SUMF1: variants seen among roughly 807,000 people sequenced by gnomAD.
SUMF1 encodes formylglycine-generating enzyme.
Under a neutral mutation model 47.6 loss-of-function variants are expected in SUMF1, and 48 were observed. The observed-to-expected ratio is 1.01, with a 90% confidence interval of 0.80 to 1.28. The LOEUF is 1.28. SUMF1 is among the 50% of genes most tolerant of loss of function. The probability of loss-of-function intolerance (pLI) is 0.00; values close to 1 mark genes in which losing one functional copy is unlikely to be tolerated. For synonymous variants in SUMF1, 230 were observed against 192.1 expected (o/e 1.20, Z -1.63); for missense variants, 571 against 485.4 (o/e 1.18, Z -1.66).
At chr3:4,411,085 GGTTTT>G in intron 6 of SUMF1, 107 bp from the exon 7 acceptor site, 2 of 950,294 alleles carry the variant, frequency 2.1e-6, no homozygotes, top group Non-Finnish European at 3.4e-6. Context: ...ATGAATGTTG[GGTTTT>G]ATTCCAACAG....
chr3:4,135,787 C>T (rs1693911653), intron 8 of SUMF1, among the ~76,000 whole-genome samples: 1 of 152,158 alleles, frequency 6.6e-6, no homozygotes, highest in Non-Finnish European at 1.5e-5. Flanking sequence ...TCTCAGGATA[C>T]AAAATCAATG....
Position 4,049,907 on chromosome 3 carries a change from G to C in SUMF1, c.1191+18662C>G, listed in dbSNP as rs556743959. Among the ~76,000 whole-genome samples the C allele has an allele frequency of 5.3e-5, 8 of 152,196 alleles. No homozygotes were observed. In the South Asian group the frequency reaches 6.2e-4, roughly 12 times the overall value. On this transcript the variant is annotated intron_variant and NMD_transcript_variant, in intron 9 of 12. Transcript: ENST00000448413. ...TCTCAATGAGACGAATGGGGAGCTGGAAGGGGGATGGAGTGGGAAGATGTT... is the reference window on the plus strand; with the variant it reads ...TCTCAATGAGACGAATGGGGAGCTGCAAGGGGGATGGAGTGGGAAGATGTT...
intron 8 of SUMF1, among the ~76,000 whole-genome samples, chr3:4,203,522 T>C (rs965690411): frequency 1.2e-4 from 18 of 152,154 alleles, no homozygotes; most frequent in Non-Finnish European, 2.4e-4. Context: ...TTATTGGTCC[T>C]GTTTTTTACA....
chr3:4,065,827 A>G (rs1307593230), intron 9 of SUMF1, among the ~76,000 whole-genome samples: 1 of 152,168 alleles, frequency 6.6e-6, no homozygotes, highest in Non-Finnish European at 1.5e-5. Context: ...TGAGGCTAGC[A>G]ACAGCTCTGA....
At chr3:4,187,224 G>C (rs1695218274) in intron 8 of SUMF1, among the ~76,000 whole-genome samples, 2 of 151,964 alleles carry the variant, frequency 1.3e-5, no homozygotes, top group African/African-American at 2.4e-5. Context: ...AAAAACATTA[G>C]CCAGCGCAAT....
chr3:4,254,032 A>G (rs1206210089), intron 8 of SUMF1, among the ~76,000 whole-genome samples: 4 of 151,148 alleles, frequency 2.6e-5, no homozygotes, highest in Non-Finnish European at 5.9e-5. Flanking sequence ...GGGTATTCCA[A>G]CAGACCTGCA....
chr3:4,184,061 G>T (rs1574959617), intron 8 of SUMF1, among the ~76,000 whole-genome samples: 1 of 151,940 alleles, frequency 6.6e-6, no homozygotes, highest in South Asian at 2.1e-4. Context: ...CTTGAACCTG[G>T]GAAGAGGAGG....
intron 9 of SUMF1, among the ~76,000 whole-genome samples, chr3:4,050,257 C>G (rs938380139): frequency 3.3e-5 from 5 of 151,584 alleles, no homozygotes; most frequent in African/African-American, 7.3e-5. Context: ...ATCTCCTGTC[C>G]GTTCTAAATG....
intron 8 of SUMF1, among the ~76,000 whole-genome samples, chr3:4,135,174 G>C (rs561760260): frequency 1.3e-5 from 2 of 152,144 alleles, no homozygotes; most frequent in South Asian, 4.2e-4. Flanking sequence ...AACAAAAAAA[G>C]AGAAAATTTA....
chr3:4,266,357 C>T (rs961715404), intron 8 of SUMF1, among the ~76,000 whole-genome samples: 21 of 152,114 alleles, frequency 1.4e-4, no homozygotes, highest in African/African-American at 4.3e-4. Context: ...TCTTCCTACC[C>T]ATGAGCATGG....
At chr3:4,207,207 C>G (rs1695672211) in intron 8 of SUMF1, among the ~76,000 whole-genome samples, 1 of 151,916 alleles carries the variant, frequency 6.6e-6, no homozygotes, top group Non-Finnish European at 1.5e-5. Flanking sequence ...ACCTTATGAC[C>G]TTGTTAAACT....
intron 8 of SUMF1, among the ~76,000 whole-genome samples, chr3:4,149,714 G>A (rs1247898301): frequency 2.0e-5 from 3 of 152,138 alleles, no homozygotes; most frequent in Non-Finnish European, 2.9e-5. Context: ...AAAATTCACT[G>A]ATATTGCAAT....
chr3:4,256,681 A>G (rs1258925371), intron 8 of SUMF1, among the ~76,000 whole-genome samples: 1 of 152,154 alleles, frequency 6.6e-6, no homozygotes, highest in African/African-American at 2.4e-5. Flanking sequence ...AAATTCTACC[A>G]GAGGTACAAG....
chr3:4,299,481 T>C (rs1468292898), intron 8 of SUMF1, among the ~76,000 whole-genome samples: 4 of 152,226 alleles, frequency 2.6e-5, no homozygotes, highest in South Asian at 2.1e-4. Context: ...TACCATATTA[T>C]GGGTATTAAT....
intron 8 of SUMF1, among the ~76,000 whole-genome samples, chr3:4,284,901 T>A (rs557688474): frequency 2.6e-5 from 4 of 152,326 alleles, no homozygotes; most frequent in African/African-American, 9.6e-5. Context: ...TTACTTCCAA[T>A]ACAAAGATTT....
chr3:4,083,316 A>T (rs1388089324), intron 8 of SUMF1, among the ~76,000 whole-genome samples: 1 of 152,158 alleles, frequency 6.6e-6, no homozygotes, highest in East Asian at 1.9e-4. Context: ...TTTCCAAGAC[A>T]CACGTTACTA....
At chr3:4,251,604 G>A (rs1387554367) in intron 8 of SUMF1, among the ~76,000 whole-genome samples, 2 of 152,186 alleles carry the variant, frequency 1.3e-5, no homozygotes, top group African/African-American at 2.4e-5. Flanking sequence ...AATTACCACA[G>A]CCACCCCAAC....
intron 3 of SUMF1, among the ~76,000 whole-genome samples, chr3:4,421,383 T>C (rs1701892655): frequency 6.6e-6 from 1 of 152,094 alleles, no homozygotes; most frequent in Non-Finnish European, 1.5e-5. Flanking sequence ...AAGCACTCAG[T>C]AAAGGGAACC....
chr3:4,049,426 G>C lies in SUMF1; in HGVS notation c.1191+19143C>G, dbSNP rs140413931. 8.3e-4 allele frequency among the ~76,000 whole-genome samples: 126 copies of C among 152,256 alleles called. 2 individuals are homozygous for C. Among genetic ancestry groups the C allele is most frequent in the African/African-American group, 1.1e-3 (46 of 41,570 alleles). On this transcript the variant is annotated intron_variant and NMD_transcript_variant, in intron 9 of 12. Transcript: ENST00000448413. The stretch of plus-strand genomic sequence containing the variant: ...AAAATATTTGCTGGATGGCACTAAT[G>C]ACCACCACCACAACAGACTGCGTAG...
Sources: allele counts gnomAD v4.1 joint callset (sites outside exome capture counted in the v4.1 genomes callset), GRCh38; gene constraint gnomAD v4.1.1; transcripts MANE v1.5; gene names NCBI Gene and HGNC (gene_info 2026-07-23, HGNC 2026-07-21).